Variants in SVOPL observed in about 807,000 individuals in gnomAD.
SVOPL encodes the protein SVOP like.
Under a neutral mutation model 61.0 loss-of-function variants are expected in SVOPL, and 60 were observed. The observed-to-expected ratio is 0.98, with a 90% CI of 0.80 to 1.22. The LOEUF (loss-of-function observed/expected upper bound fraction) is 1.22. Ranked by LOEUF, SVOPL falls within the 50% of genes most tolerant of loss-of-function variation. The pLI is 0.00. For missense variants in SVOPL, 662 were observed against 643.9 expected, an observed-to-expected ratio of 1.03 and a Z score of -0.30; for synonymous variants, 279 against 250.0, an observed-to-expected ratio of 1.12 and a Z score of -1.09.
chr7:138,692,059 T>A (rs1040395196), intron 1 of SVOPL, among the ~76,000 whole-genome samples: 3 of 151,524 alleles, frequency 2.0e-5, no homozygotes, highest in Non-Finnish European at 4.4e-5. Context: ...CTCAAGTGAA[T>A]CAGCACTTTG....
intron 9 of SVOPL, among the ~76,000 whole-genome samples, chr7:138,630,529 A>G (rs1285901505): frequency 5.3e-5 from 8 of 152,258 alleles, no homozygotes; most frequent in African/African-American, 1.9e-4. Context: ...AGACTTGTTA[A>G]GAAAACAACG....
rs78350754 is a variant in SVOPL at position 138,660,035 on chromosome 7, G to A, written c.346-47C>T. ...TGAATGGGACCTGCCTCAATGCGGG[G>A]AGGGAAGAAGCCCTAACTTCTGAAG... On this transcript the variant is annotated intron_variant, in intron 5 of 15. Coordinates refer to ENST00000674285, the MANE Select transcript of SVOPL (RefSeq NM_001139456.2). The A allele has an allele frequency of 0.014, 22,095 of 1,546,960 alleles. 1,514 individuals are homozygous for A. In the East Asian group the frequency reaches 0.24, roughly 17 times the overall value.
intron 14 of SVOPL, among the ~76,000 whole-genome samples, chr7:138,598,726 T>A (rs559593922): frequency 3.3e-5 from 5 of 152,022 alleles, no homozygotes; most frequent in African/African-American, 7.2e-5. Context: ...TAAAAATACA[T>A]GGAATGGAAT....
intron 4 of SVOPL, among the ~76,000 whole-genome samples, chr7:138,665,813 GAA>G (rs1230491862): frequency 2.0e-5 from 3 of 152,152 alleles, no homozygotes; most frequent in African/African-American, 4.8e-5. Flanking sequence ...ACGCTTTTCT[GAA>G]AGCCATGAGA....
At chr7:138,653,946 AAAG>A (rs1483205214) in intron 7 of SVOPL, among the ~76,000 whole-genome samples, 1,525 of 145,618 alleles carry the variant, frequency 0.01, 25 homozygotes, top group African/African-American at 0.037. Flanking sequence ...AAAAAAAAAA[AAAG>A]AAAAGAAAAG....
rs575941635 is a variant in SVOPL, at chr7:138,645,280, T to C, written c.661-435A>G. ...CACACGGTGGAGGAATCAGTTCTGA[T>C]TGTGAAGGCTCTCAACCCACTGAAT... On this transcript the variant is annotated intron_variant, in intron 8 of 15. Transcript: ENST00000674285. Among the ~76,000 whole-genome samples, 101 of 152,220 alleles carry C rather than the reference T, an allele frequency of 6.6e-4. 2 individuals are homozygous for C. The South Asian group carries it at 0.018, about 27-fold the overall frequency.
chr7:138,598,125 T>C (rs1352148345), intron 14 of SVOPL, among the ~76,000 whole-genome samples: 1 of 152,176 alleles, frequency 6.6e-6, no homozygotes, highest in Non-Finnish European at 1.5e-5. Context: ...ATAAAAATCA[T>C]TTTGGAAATT....
Position 138,596,492 on chromosome 7 carries a change from G to C in SVOPL, c.1392C>G (p.Leu464=), listed in dbSNP as rs1236749409. 11 of 1,613,768 alleles carry C rather than the reference G, an allele frequency of 6.8e-6. No homozygotes were observed. The highest frequency in any genetic ancestry group is 8.5e-6 in the Non-Finnish European group (10 of 1,179,888). Residue 464 remains leucine (L), a synonymous_variant, in exon 15 of 16, where the codon CTC becomes CTG. Coordinates refer to ENST00000674285, the MANE Select transcript of SVOPL (RefSeq NM_001139456.2). ...MSASILGALC[L]FSSVCVVCAI... ...CGCATACAACACAGACAGATGAGAA[G>C]AGACACAGGGCCCCCAGTATTGATG... is the stretch of plus-strand genomic sequence containing the variant.
chr7:138,611,859 C>T (rs1584779166), intron 14 of SVOPL, among the ~76,000 whole-genome samples: 14 of 77,192 alleles, frequency 1.8e-4, no homozygotes, highest in Admixed American at 8.2e-4. Flanking sequence ...GCCGAGATTG[C>T]AGCCTCTGCC....
intron 1 of SVOPL, among the ~76,000 whole-genome samples, chr7:138,695,019 A>G (rs1295919755): frequency 1.3e-5 from 2 of 152,190 alleles, no homozygotes; most frequent in East Asian, 3.8e-4. Context: ...GATTACAGGC[A>G]TGAGCCACCA....
chr7:138,664,903 A>C (rs1283946134), intron 4 of SVOPL, among the ~76,000 whole-genome samples: 4 of 48,280 alleles, frequency 8.3e-5, no homozygotes, highest in Admixed American at 2.5e-4. Context: ...CCCTTCCCCC[A>C]ACCAGCCCCG....
At chr7:138,648,532 CCAAAAAAAAAAAA>C (rs1801244942) in intron 8 of SVOPL, among the ~76,000 whole-genome samples, 1 of 104,058 alleles carries the variant, frequency 9.6e-6, no homozygotes, top group Non-Finnish European at 1.8e-5. Flanking sequence ...TACTAAAAAT[CCAAAAAAAAAAAA>C]AAAAAAAAAA....
intron 13 of SVOPL, among the ~76,000 whole-genome samples, chr7:138,623,950 G>T (rs1300642360): frequency 6.6e-6 from 1 of 151,978 alleles, no homozygotes; most frequent in African/African-American, 2.4e-5. Context: ...CTCCCAAGTA[G>T]CTGGGATTAC....
At chr7:138,660,100 G>T (rs1350143639) in intron 5 of SVOPL, 112 bp from the exon 6 acceptor site, 6 of 1,485,758 alleles carry the variant, frequency 4.0e-6, no homozygotes, top group Non-Finnish European at 5.4e-6. Context: ...CTTCTCTGAG[G>T]AGCTAACCTG....
chr7:138,603,213 C>A (rs1478607593), intron 14 of SVOPL, among the ~76,000 whole-genome samples: 1 of 152,150 alleles, frequency 6.6e-6, no homozygotes, highest in Non-Finnish European at 1.5e-5. Context: ...TCACATTTGA[C>A]AGTTTACTTT....
intron 12 of SVOPL, 154 bp from the exon 13 acceptor site, chr7:138,626,204 G>T: frequency 1.5e-6 from 1 of 673,082 alleles, no homozygotes; most frequent in Non-Finnish European, 2.5e-6. Flanking sequence ...TGATTGTGGG[G>T]TCCTTAAGCA....
intron 3 of SVOPL, among the ~76,000 whole-genome samples, chr7:138,676,176 A>G (rs12113961): frequency 0.029 from 4,420 of 152,252 alleles, 202 homozygotes; most frequent in African/African-American, 0.097. Flanking sequence ...ACTAAAGGAG[A>G]AAGCGGGAGT....
chr7:138,611,392 C>CCAAAACAAAA (rs113839524), intron 14 of SVOPL, among the ~76,000 whole-genome samples: 4 of 151,562 alleles, frequency 2.6e-5, no homozygotes, highest in East Asian at 1.9e-4. Flanking sequence ...ACCCCCAACC[C>CCAAAACAAAA]CAAAACAAAA....
At chr7:138,689,397 A>G (rs970111684) in intron 1 of SVOPL, 3 of 1,434,954 alleles carry the variant, frequency 2.1e-6, no homozygotes, top group South Asian at 2.3e-5. Flanking sequence ...TTACCCATGC[A>G]TGAGCTCTCC....
Sources: gnomAD v4.1 joint callset for allele counts (sites outside exome capture counted in the v4.1 genomes callset) on GRCh38, gnomAD v4.1.1 for gene constraint, MANE v1.5 for transcripts, NCBI Gene and HGNC (gene_info 2026-07-23, HGNC 2026-07-21) for gene names.